The following CDH8 variants were observed in gnomAD, a reference collection of about 807,000 sequenced individuals.
CDH8 encodes the protein cadherin-8.
Under a neutral mutation model 68.1 loss-of-function variants are expected in CDH8, and 17 were observed. The ratio of observed to expected loss-of-function variants is 0.25; its 90% confidence interval spans 0.17 to 0.37. The LOEUF is 0.37. Ranked by LOEUF, CDH8 falls within the 10% of genes least tolerant of loss-of-function variation. The pLI is 1.00. For synonymous variants in CDH8, 372 were observed against 365.1 expected, an observed-to-expected ratio of 1.02 and a Z score of -0.21; for missense variants, 763 against 999.3, an observed-to-expected ratio of 0.76 and a Z score of 3.19.
chr16:61,803,251 C>G (rs1961703013), intron 7 of CDH8, among the ~76,000 whole-genome samples: 2 of 125,684 alleles, frequency 1.6e-5, no homozygotes, highest in Admixed American at 1.6e-4. Context: ...AAATACTTCA[C>G]AGACAAGCAA....
intron 10 of CDH8, among the ~76,000 whole-genome samples, chr16:61,694,027 A>G (rs959616935): frequency 2.0e-5 from 3 of 152,160 alleles, no homozygotes; most frequent in African/African-American, 7.2e-5. Flanking sequence ...CCACCTCACA[A>G]ATGAAGCAAC....
In CDH8 at chr16:61,647,691, A is replaced by G. The variant is rs768227868; in HGVS notation, c.*5917T>C. The G allele has an allele frequency of 2.5e-5, 16 of 639,250 alleles. No homozygotes were observed. Among genetic ancestry groups the G allele is most frequent in the Non-Finnish European group, 3.9e-5 (14 of 358,134 alleles). 39.6% of individuals were successfully genotyped at this position (639,250 alleles called of 1,614,324 possible). A position where few individuals can be genotyped will look rare whatever the true frequency, so the allele number is the denominator to read the frequency against. ...GCATAATTGTTAAAATTTTCCTCTTATTTTTGAGGAATCATAGGATGGCCT... is the reference window on the plus strand; with the variant it reads ...GCATAATTGTTAAAATTTTCCTCTTGTTTTTGAGGAATCATAGGATGGCCT... On this transcript the variant is annotated 3_prime_UTR_variant, in exon 12 of 12. Coordinates refer to ENST00000577390, the MANE Select transcript of CDH8 (RefSeq NM_001796.5).
intron 4 of CDH8, among the ~76,000 whole-genome samples, chr16:61,845,704 A>G (rs1279836636): frequency 6.6e-6 from 1 of 152,038 alleles, no homozygotes; most frequent in Non-Finnish European, 1.5e-5. Context: ...CATAATCACA[A>G]ATTGTAAAGT....
chr16:61,925,307 G>C (rs1031264144), intron 2 of CDH8, among the ~76,000 whole-genome samples: 2 of 152,178 alleles, frequency 1.3e-5, no homozygotes, highest in African/African-American at 4.8e-5. Flanking sequence ...TGTTTTTCTT[G>C]TTGTGGTTGT....
intron 7 of CDH8, among the ~76,000 whole-genome samples, chr16:61,804,599 A>C (rs1271883623): frequency 6.7e-6 from 1 of 149,428 alleles, no homozygotes; most frequent in Non-Finnish European, 1.5e-5. Flanking sequence ...AAAAGAGAGA[A>C]GAATCAAATA....
chr16:61,734,683 A>G (rs1225195915), intron 8 of CDH8, among the ~76,000 whole-genome samples: 2 of 151,982 alleles, frequency 1.3e-5, no homozygotes, highest in African/African-American at 4.8e-5. Context: ...TAACTTCACA[A>G]GAGTTGTTTA....
At chr16:61,743,177 A>G (rs1254171693) in intron 8 of CDH8, 1 of 152,060 alleles carries the variant, frequency 6.6e-6, no homozygotes, top group African/African-American at 2.4e-5. Context: ...CACACGTCAC[A>G]CCTCATTTGG....
At chr16:61,658,300 AAC>A (rs1963491220) in intron 10 of CDH8, among the ~76,000 whole-genome samples, 1 of 152,058 alleles carries the variant, frequency 6.6e-6, no homozygotes, top group African/African-American at 2.4e-5. Context: ...TTTCTGCTGT[AAC>A]ACTCATGATG....
chr16:61,982,555 C>T (rs1447332842), intron 2 of CDH8, among the ~76,000 whole-genome samples: 1 of 152,132 alleles, frequency 6.6e-6, no homozygotes, highest in Non-Finnish European at 1.5e-5. Context: ...TTTCAGTTTC[C>T]TTACCAGCAG....
At chr16:61,874,366 C>G (rs1963423611) in intron 3 of CDH8, among the ~76,000 whole-genome samples, 1 of 151,990 alleles carries the variant, frequency 6.6e-6, no homozygotes, top group Non-Finnish European at 1.5e-5. Context: ...GAGTCTCGCT[C>G]TATCACCCAG....
chr16:61,864,053 CT>C (rs1161226742), intron 3 of CDH8, among the ~76,000 whole-genome samples: 2 of 152,102 alleles, frequency 1.3e-5, no homozygotes, highest in Admixed American at 1.3e-4. Context: ...CCATGACAAC[CT>C]TTTTTGGGTT....
At chr16:61,843,197 G>A (rs1034497998) in intron 4 of CDH8, among the ~76,000 whole-genome samples, 3 of 151,884 alleles carry the variant, frequency 2.0e-5, no homozygotes, top group Non-Finnish European at 4.4e-5. Flanking sequence ...AATTTTACAC[G>A]CTAAATCATT....
At chr16:61,663,057 G>C (rs2142759691) in intron 10 of CDH8, among the ~76,000 whole-genome samples, 1 of 152,060 alleles carries the variant, frequency 6.6e-6, no homozygotes, top group South Asian at 2.1e-4. Context: ...CTTAAAGTGG[G>C]CTAAGAGCAC....
In CDH8 at chr16:61,650,835, T is replaced by A. The variant is rs1035686690; in HGVS notation, c.*2773A>T. 3.3e-5 allele frequency: 5 copies of A among 152,060 alleles called. No individual in the cohort carries two copies. Among genetic ancestry groups the A allele is most frequent in the African/African-American group, 9.7e-5 (4 of 41,420 alleles). The allele number at this position is 152,060 out of a possible 1,614,324, so 9.4% of individuals were successfully genotyped here. ...AGGATCAAGGTATTAGTCACTTTATTCTATGTTACAAGACCTGAAATAGGC... is the reference window on the plus strand; with the variant it reads ...AGGATCAAGGTATTAGTCACTTTATACTATGTTACAAGACCTGAAATAGGC... On this transcript the variant is annotated 3_prime_UTR_variant, in exon 12 of 12. Coordinates refer to ENST00000577390, the MANE Select transcript of CDH8 (RefSeq NM_001796.5).
intron 7 of CDH8, among the ~76,000 whole-genome samples, chr16:61,802,835 T>A (rs879264741): frequency 6.6e-3 from 726 of 110,596 alleles, no homozygotes; most frequent in East Asian, 9.1e-3. Context: ...CAAATCTACG[T>A]CTGATTGGTG....
intron 8 of CDH8, among the ~76,000 whole-genome samples, chr16:61,762,491 A>G (rs1301533398): frequency 4.6e-5 from 7 of 152,196 alleles, no homozygotes; most frequent in Non-Finnish European, 1.0e-4. Flanking sequence ...AACTGTTAAC[A>G]GAAGTTTCCA....
chr16:61,812,187 G>A (rs1961966974), intron 7 of CDH8, among the ~76,000 whole-genome samples: 1 of 152,090 alleles, frequency 6.6e-6, no homozygotes, highest in African/African-American at 2.4e-5. Context: ...GTTTTCTACA[G>A]TATGAAATAT....
chr16:61,749,440 T>C (rs1217718853), intron 8 of CDH8, among the ~76,000 whole-genome samples: 3 of 152,124 alleles, frequency 2.0e-5, no homozygotes, highest in Admixed American at 6.6e-5. Context: ...ATTGGACTTT[T>C]ATCTGACTGG....
At chr16:61,833,355 G>A (rs1431138417) in intron 4 of CDH8, among the ~76,000 whole-genome samples, 2 of 151,554 alleles carry the variant, frequency 1.3e-5, no homozygotes, top group African/African-American at 4.8e-5. Flanking sequence ...TCACACATAT[G>A]TAAATATATG....
Sources: allele counts gnomAD v4.1 joint callset (sites outside exome capture counted in the v4.1 genomes callset), GRCh38; gene constraint gnomAD v4.1.1; transcripts MANE v1.5; gene names NCBI Gene and HGNC (gene_info 2026-07-23, HGNC 2026-07-21).